Variants in SH3D21 observed in about 807,000 individuals in gnomAD.
SH3D21 encodes the protein SH3 domain-containing protein 21.
In SH3D21, 83 loss-of-function variants were observed where a neutral mutation model predicts 82.1. The ratio of observed to expected loss-of-function variants is 1.01; its 90% CI spans 0.85 to 1.21. The LOEUF (loss-of-function observed/expected upper bound fraction) is 1.21. SH3D21 is among the 50% of genes most tolerant of loss of function. SH3D21 has a pLI of 0.00. For missense variants in SH3D21, 980 were observed against 962.1 expected, an observed-to-expected ratio of 1.02 and a Z score of -0.25; for synonymous variants, 383 against 387.8, an observed-to-expected ratio of 0.99 and a Z score of 0.15.
rs866172202 is a variant in SH3D21 at position 36,321,243 on chromosome 1, T to G, written c.*116T>G. 3.3e-5 allele frequency: 49 copies of G among 1,480,988 alleles called. No homozygotes were observed. Among genetic ancestry groups the G allele is most frequent in the Middle Eastern group, 2.4e-4 (1 of 4,124 alleles). The allele number at this position is 1,480,988 out of a possible 1,614,324, so 91.7% of individuals were successfully genotyped here. Reference sequence around the variant, plus strand: ...TGCCTAGCACGGCGCCACGCCGGTCTGGTCGCTGGGGGCGGGGCCTGCGCG... The same window carrying G: ...TGCCTAGCACGGCGCCACGCCGGTCGGGTCGCTGGGGGCGGGGCCTGCGCG... On this transcript the variant is annotated 3_prime_UTR_variant, in exon 16 of 16. Transcript: ENST00000453908. This position sits in a 1 kb window ranked among gnomAD's most constrained non-coding sequence, Gnocchi z 6.1.
downstream of SH3D21, chr1:36,321,802 G>T (rs1397537385): frequency 1.0e-6 from 1 of 1,004,708 alleles, no homozygotes; most frequent in African/African-American, 1.7e-5. This position sits in a 1 kb window ranked among gnomAD's most constrained non-coding sequence, Gnocchi z 6.1. Context: ...TTTGAATAAG[G>T]AATGCGCGCG....
downstream of SH3D21, chr1:36,322,186 G>C (rs993403690): frequency 1.7e-5 from 23 of 1,371,700 alleles, no homozygotes; most frequent in Admixed American, 3.1e-5. Flanking sequence ...TCCACGCCCA[G>C]TAGCACCTGG....
intron 10 of SH3D21, among the ~76,000 whole-genome samples, chr1:36,317,384 T>C (rs1646362591): frequency 6.6e-6 from 1 of 152,214 alleles, no homozygotes; most frequent in Admixed American, 6.5e-5. Context: ...TGTATACGTA[T>C]CTGCGTGTGA....
downstream of SH3D21, chr1:36,323,818 A>T (rs922736382): frequency 1.3e-5 from 2 of 152,214 alleles, no homozygotes; most frequent in Admixed American, 1.3e-4. Context: ...GGCCACTAAC[A>T]GCAACAACAG....
At position 36,321,330 on chromosome 1, in the gene SH3D21, T is replaced by G; in HGVS notation, c.*203T>G. On this transcript the variant is annotated 3_prime_UTR_variant, in exon 16 of 16. Coordinates refer to ENST00000453908, the MANE Select transcript of SH3D21 (RefSeq NM_001162530.2). This position sits in a 1 kb window ranked among gnomAD's most constrained non-coding sequence, Gnocchi z 6.1. ...CTCCCAGGCACATCTGGCCAACATGTGGCTCCCATTACCGTTCCCAAGGCC... is the reference window on the plus strand; with the variant it reads ...CTCCCAGGCACATCTGGCCAACATGGGGCTCCCATTACCGTTCCCAAGGCC... 1.2e-5 allele frequency: 16 copies of G among 1,378,264 alleles called. No individual in the cohort carries two copies. Among genetic ancestry groups the G allele is most frequent in the Admixed American group, 3.0e-5 (1 of 33,188 alleles). 85.4% of individuals were successfully genotyped at this position (1,378,264 alleles called of 1,614,324 possible). A position where few individuals can be genotyped will look rare whatever the true frequency, so the allele number is the denominator to read the frequency against.
chr1:36,313,972 CTTTTTTTTTTTTTTT>C (rs767624105), intron 10 of SH3D21, among the ~76,000 whole-genome samples: 1 of 36,784 alleles, frequency 2.7e-5, no homozygotes. Flanking sequence ...AACATATTTT[CTTTTTTTTTTTTTTT>C]TTTTTGAGAC....
In SH3D21 at chr1:36,307,038, T is replaced by A. The variant is rs1646139310; in HGVS notation, c.227-129T>A. 3.3e-5 allele frequency: 48 copies of A among 1,460,150 alleles called. No individual in the cohort carries two copies. The South Asian group carries it at 6.6e-4, about 20-fold the overall frequency. 90.4% of individuals were successfully genotyped at this position (1,460,150 alleles called of 1,614,324 possible). A position where few individuals can be genotyped will look rare whatever the true frequency, so the allele number is the denominator to read the frequency against. The stretch of plus-strand genomic sequence containing the variant: ...GGCCGCCCTGCGGTCTGTGATTGGT[T>A]CTCGAGTGCAATGCTCCGCCCTGGG... On this transcript the variant is annotated intron_variant, in intron 3 of 15. Coordinates refer to ENST00000453908, the MANE Select transcript of SH3D21 (RefSeq NM_001162530.2). This position sits in a 1 kb window ranked among gnomAD's most constrained non-coding sequence, Gnocchi z 5.4.
At chr1:36,316,761 CTCT>C (rs1184677403) in intron 10 of SH3D21, among the ~76,000 whole-genome samples, 18 of 131,566 alleles carry the variant, frequency 1.4e-4, no homozygotes, top group African/African-American at 4.5e-4. Flanking sequence ...TCAGTTCTCT[CTCT>C]TTTTTTTTTT....
intron 9 of SH3D21, among the ~76,000 whole-genome samples, chr1:36,309,003 C>T (rs1442924447): frequency 1.3e-5 from 2 of 151,524 alleles, no homozygotes; most frequent in East Asian, 1.9e-4. Flanking sequence ...AACCTAAACA[C>T]GAAATTCATT....
At chr1:36,320,852 C>T (rs1299346896) in intron 14 of SH3D21, 54 bp downstream of exon 14, 2 of 1,550,452 alleles carry the variant, frequency 1.3e-6, no homozygotes, top group Non-Finnish European at 1.7e-6. Context: ...TAGCCCTCAC[C>T]TGCGCAGCCC....
At chr1:36,322,875 G>A (rs1646491617), downstream of SH3D21, 2 of 1,535,432 alleles carry the variant, frequency 1.3e-6, no homozygotes, top group Non-Finnish European at 1.8e-6. Context: ...AGAGGGCGGG[G>A]AGCGGGGCGG....
At position 36,306,415 on chromosome 1, in the gene SH3D21, G is replaced by A. The variant is rs1413514298; in HGVS notation, c.-6G>A. 7.7e-7 allele frequency: 1 copy of A among 1,305,302 alleles called. No individual in the cohort carries two copies. Among genetic ancestry groups the A allele is most frequent in the African/African-American group, 1.5e-5 (1 of 65,866 alleles). The allele number at this position is 1,305,302 out of a possible 1,614,324, so 80.9% of individuals were successfully genotyped here. A position where few individuals can be genotyped will look rare whatever the true frequency, so the allele number is the denominator to read the frequency against. On this transcript the variant is annotated 5_prime_UTR_variant, in exon 1 of 16. Transcript: ENST00000453908. This position sits in a 1 kb window ranked among gnomAD's most constrained non-coding sequence, Gnocchi z 4.5. ...CTGCCAGGCTCTGGAGGGCGCCCCG[G>A]AAACCATGGGTAAGTGCGGAGGCTT...
downstream of SH3D21, among the ~76,000 whole-genome samples, chr1:36,325,645 T>G (rs530989157): frequency 1.3e-5 from 2 of 152,090 alleles, no homozygotes; most frequent in African/African-American, 2.4e-5. Flanking sequence ...CCCAGGTTCA[T>G]GCCATTCTCC....
At position 36,306,771 on chromosome 1, in the gene SH3D21, G is replaced by A. The variant is rs910746279; in HGVS notation, c.162+16G>A. 5.4e-6 allele frequency: 7 copies of A among 1,290,886 alleles called. No individual in the cohort carries two copies. In the East Asian group the frequency reaches 2.3e-4, roughly 42 times the overall value. The allele number at this position is 1,290,886 out of a possible 1,614,324, so 80.0% of individuals were successfully genotyped here. The stretch of plus-strand genomic sequence containing the variant: ...CCTGGTGCAGGTGAGGCCGAGCCAG[G>A]GGCGGGCTGTGGGGTCTCAGCGCGC... On this transcript the variant is annotated intron_variant, in intron 2 of 15. Transcript: ENST00000453908. The surrounding 1 kb of genome is among the most constrained non-coding windows in gnomAD (Gnocchi z 4.5).
At chr1:36,318,331 A>G (rs1005715831) in intron 10 of SH3D21, among the ~76,000 whole-genome samples, 1 of 152,152 alleles carries the variant, frequency 6.6e-6, no homozygotes, top group Non-Finnish European at 1.5e-5. Flanking sequence ...AAGTGTAAAT[A>G]TTGAGAGGGA....
chr1:36,318,470 AT>A (rs1461856443), intron 10 of SH3D21, among the ~76,000 whole-genome samples: 1 of 152,134 alleles, frequency 6.6e-6, no homozygotes, highest in Non-Finnish European at 1.5e-5. Context: ...GAGAGAGAAT[AT>A]AAAGAATTCT....
chr1:36,317,471 G>A (rs1344772068), intron 10 of SH3D21, among the ~76,000 whole-genome samples: 3 of 152,152 alleles, frequency 2.0e-5, no homozygotes, highest in African/African-American at 7.2e-5. Flanking sequence ...ATGTCACTGT[G>A]TGTAACTGCC....
rs1161340395 is a variant in SH3D21 at position 36,319,323 on chromosome 1, C to T, written c.916+11C>T. 1 of 1,551,502 alleles carries T rather than the reference C, an allele frequency of 6.4e-7. No individual in the cohort carries two copies. The highest frequency in any genetic ancestry group is 1.4e-5 in the African/African-American group (1 of 73,012). ...CCTCCCGAGACTCAGGCAAGGGCTG[C>T]CTTCCTCCAGTGCGGGGAGGACTGG... On this transcript the variant is annotated intron_variant, in intron 12 of 15. Coordinates refer to ENST00000453908, the MANE Select transcript of SH3D21 (RefSeq NM_001162530.2).
In SH3D21 at chr1:36,311,477, C is replaced by G. The variant is rs534312104; in HGVS notation, c.769+1887C>G. 3.1e-4 allele frequency among the ~76,000 whole-genome samples: 47 copies of G among 152,150 alleles called. 1 individual carries two copies. In the South Asian group the frequency reaches 3.3e-3, roughly 11 times the overall value. On this transcript the variant is annotated intron_variant, in intron 10 of 15. Transcript: ENST00000453908. ...GGATGGTCTCAATCTCCTGACCTCA[C>G]GATCCGCCCGCCTTGGCCTCCCAAA...
Sources: allele counts gnomAD v4.1 joint callset (sites outside exome capture counted in the v4.1 genomes callset), GRCh38; gene constraint gnomAD v4.1.1; non-coding constraint Gnocchi (gnomAD v3.1); transcripts MANE v1.5; gene names NCBI Gene and HGNC (gene_info 2026-07-23, HGNC 2026-07-21).